The following RGS7 variants were observed in gnomAD, a reference collection of about 807,000 sequenced individuals.
RGS7 encodes the protein regulator of G-protein signaling 7.
A neutral mutation model predicts 81.1 loss-of-function variants in RGS7; 27 were observed. The observed-to-expected ratio is 0.33, with a 90% CI of 0.25 to 0.46. The LOEUF (loss-of-function observed/expected upper bound fraction) is 0.46, where lower values mean the gene tolerates loss of function less well. RGS7 is among the 20% of genes least tolerant of loss of function. RGS7 has a pLI of 1.00. For synonymous variants in RGS7, 208 were observed against 207.7 expected, an observed-to-expected ratio of 1.00 and a Z score of -0.01; for missense variants, 396 against 607.4, an observed-to-expected ratio of 0.65 and a Z score of 3.66.
At chr1:240,847,878 AG>A in intron 9 of RGS7, among the ~76,000 whole-genome samples, 1 of 152,322 alleles carries the variant, frequency 6.6e-6, no homozygotes, top group Non-Finnish European at 1.5e-5. Context: ...ATGACCAAGT[AG>A]GGTTTATTTA....
intron 18 of RGS7, among the ~76,000 whole-genome samples, chr1:240,794,070 G>A (rs1213472592): frequency 6.6e-6 from 1 of 152,060 alleles, no homozygotes; most frequent in East Asian, 1.9e-4. Flanking sequence ...CCTTCTCGTA[G>A]GTTCCAAGTC....
intron 2 of RGS7, among the ~76,000 whole-genome samples, chr1:241,224,786 G>A (rs1053204436): frequency 6.6e-6 from 1 of 152,046 alleles, no homozygotes; most frequent in Non-Finnish European, 1.5e-5. Flanking sequence ...AGTCTGCATT[G>A]TCTCATCTTC....
chr1:241,018,167 T>C lies in RGS7; in HGVS notation c.176-35038A>G, dbSNP rs546012332. 1.4e-4 allele frequency among the ~76,000 whole-genome samples: 21 copies of C among 145,068 alleles called. No homozygotes were observed. The East Asian group carries it at 4.2e-3, about 29-fold the overall frequency. The stretch of plus-strand genomic sequence containing the variant: ...TTTTTTTTTTTTTTTGTATTTTTAG[T>C]AGACACGGTGTTTTATCACGTGGCC... On this transcript the variant is annotated intron_variant, in intron 3 of 18. Coordinates refer to ENST00000440928, the MANE Select transcript of RGS7 (RefSeq NM_001364886.1).
intron 2 of RGS7, among the ~76,000 whole-genome samples, chr1:241,282,145 A>G (rs1558270211): frequency 1.3e-5 from 2 of 152,094 alleles, no homozygotes; most frequent in African/African-American, 4.8e-5. Flanking sequence ...TCTCTCTCCC[A>G]TCCTCCTCCC....
rs945375303 is a variant in RGS7 at position 241,106,733 on chromosome 1, A to C, written c.79-7971T>G. 8.0e-5 allele frequency among the ~76,000 whole-genome samples: 8 copies of C among 100,348 alleles called. 1 individual carries two copies. Among genetic ancestry groups the C allele is most frequent in the African/African-American group, 3.2e-4 (7 of 21,844 alleles). The allele number at this position is 100,348 out of a possible 152,430, so 65.8% of individuals were successfully genotyped here. A position where few individuals can be genotyped will look rare whatever the true frequency, so the allele number is the denominator to read the frequency against. On this transcript the variant is annotated intron_variant, in intron 2 of 18. Transcript: ENST00000440928. ...TCCGTCTCCAAAAAAAAAAAAAAAA[A>C]AAAAAACCAACACCACCACCACACA...
intron 2 of RGS7, among the ~76,000 whole-genome samples, chr1:241,148,189 T>G (rs2068493833): frequency 6.6e-6 from 1 of 151,886 alleles, no homozygotes; most frequent in Non-Finnish European, 1.5e-5. Context: ...TAGCTGAGAT[T>G]ACAGGTGTGT....
intron 4 of RGS7, among the ~76,000 whole-genome samples, chr1:240,968,087 C>A (rs957810601): frequency 6.6e-6 from 1 of 152,190 alleles, no homozygotes; most frequent in Non-Finnish European, 1.5e-5. Flanking sequence ...CAAGGGTTCA[C>A]TGATGGTGCT....
chr1:240,995,673 T>A (rs1461695117), intron 3 of RGS7, among the ~76,000 whole-genome samples: 1 of 151,498 alleles, frequency 6.6e-6, no homozygotes, highest in South Asian at 2.1e-4. Context: ...TCATTTCCCC[T>A]GCTTCATTCC....
At chr1:240,833,838 T>A (rs1323974570) in intron 9 of RGS7, among the ~76,000 whole-genome samples, 1 of 151,990 alleles carries the variant, frequency 6.6e-6, no homozygotes, top group Non-Finnish European at 1.5e-5. Flanking sequence ...TGGAATGCAG[T>A]GGTGCAATCA....
chr1:241,318,656 A>C (rs2081030544), intron 2 of RGS7, among the ~76,000 whole-genome samples: 1 of 152,000 alleles, frequency 6.6e-6, no homozygotes, highest in Non-Finnish European at 1.5e-5. Flanking sequence ...TTGTATTTTT[A>C]GTAGAGACAG....
At chr1:241,213,599 T>C (rs2074377237) in intron 2 of RGS7, among the ~76,000 whole-genome samples, 1 of 152,014 alleles carries the variant, frequency 6.6e-6, no homozygotes, top group Non-Finnish European at 1.5e-5. Flanking sequence ...GAATTAACAT[T>C]AGACCACTTG....
rs542972289 is a variant in RGS7 at position 240,921,247 on chromosome 1, T to C, written c.385+9470A>G. Among the ~76,000 whole-genome samples, 8 of 152,182 alleles carry C rather than the reference T, an allele frequency of 5.3e-5. No homozygotes were observed. In the South Asian group the frequency reaches 1.2e-3, roughly 24 times the overall value. On this transcript the variant is annotated intron_variant, in intron 6 of 18. Transcript: ENST00000440928. ...TGCAATATACTAAATTGAATAATGGTACCAGAAAAAACTATAGATGGGAAT... is the reference window on the plus strand; with the variant it reads ...TGCAATATACTAAATTGAATAATGGCACCAGAAAAAACTATAGATGGGAAT...
intron 2 of RGS7, among the ~76,000 whole-genome samples, chr1:241,286,272 A>G (rs1173201818): frequency 1.3e-5 from 2 of 152,192 alleles, no homozygotes; most frequent in Non-Finnish European, 2.9e-5. Context: ...AAGAGAACTA[A>G]GTGACTTGGA....
intron 3 of RGS7, among the ~76,000 whole-genome samples, chr1:241,075,461 C>G (rs2062737896): frequency 6.6e-6 from 1 of 152,088 alleles, no homozygotes; most frequent in Non-Finnish European, 1.5e-5. Flanking sequence ...ATTCAGGGTT[C>G]AGTCATCTCA....
chr1:241,062,468 C>T (rs2061790046), intron 3 of RGS7, among the ~76,000 whole-genome samples: 1 of 152,142 alleles, frequency 6.6e-6, no homozygotes, highest in Admixed American at 6.5e-5. Context: ...ATCAGAGAGA[C>T]TGAGGTAAGA....
rs1433690559 is a variant in RGS7, at chr1:241,068,257, T to TATATATATATATATATATATATATATAA, written c.175+30408_175+30409insTTATATATATATATATATATATATATAT. On this transcript the variant is annotated intron_variant, in intron 3 of 18. Transcript: ENST00000440928. ...GTGTGTGTATATATATATATATATA[T>TATATATATATATATATATATATATATAA]AAAATATTGTGTATATATAATATTA... 1.8e-3 allele frequency among the ~76,000 whole-genome samples: 128 copies of TATATATATATATATATATATATATATAA among 73,092 alleles called. 15 individuals carry two copies. The highest frequency in any genetic ancestry group is 4.1e-3 in the East Asian group (5 of 1,230). The allele number at this position is 73,092 out of a possible 152,430, so 48.0% of individuals were successfully genotyped here.
At chr1:241,001,380 A>G (rs1312312647) in intron 3 of RGS7, among the ~76,000 whole-genome samples, 2 of 152,196 alleles carry the variant, frequency 1.3e-5, no homozygotes, top group Non-Finnish European at 2.9e-5. Flanking sequence ...CGGTATAAAA[A>G]AGGCAACAAT....
chr1:240,933,925 G>A lies in RGS7; in HGVS notation c.333+2675C>T, dbSNP rs1021900910. Among the ~76,000 whole-genome samples, 6 of 151,966 alleles carry A rather than the reference G, an allele frequency of 3.9e-5. No homozygotes were observed. The South Asian group carries it at 1.0e-3, about 26-fold the overall frequency. On this transcript the variant is annotated intron_variant, in intron 5 of 18. Transcript: ENST00000440928. ...TCATGCCAATGAAATAAAGATTTCT[G>A]TTTATCTCAAATTAATGCTTTGAAG...
intron 4 of RGS7, among the ~76,000 whole-genome samples, chr1:240,953,895 C>A (rs1679944034): frequency 6.6e-6 from 1 of 151,934 alleles, no homozygotes; most frequent in South Asian, 2.1e-4. Flanking sequence ...ACTCAAATTA[C>A]CAATATCAGA....
Sources: allele counts gnomAD v4.1 joint callset (sites outside exome capture counted in the v4.1 genomes callset), GRCh38; gene constraint gnomAD v4.1.1; transcripts MANE v1.5; gene names NCBI Gene and HGNC (gene_info 2026-07-23, HGNC 2026-07-21).